Variants in PDE1C observed in about 807,000 individuals in gnomAD.
The protein encoded by PDE1C is dual specificity calcium/calmodulin-dependent 3',5'-cyclic nucleotide phosphodiesterase 1C.
In PDE1C, 62 loss-of-function variants were observed where a neutral mutation model predicts 93.1. That is an observed-to-expected ratio of 0.67 (90% confidence interval 0.54 to 0.82). PDE1C has a LOEUF of 0.82. PDE1C is among the 40% of genes least tolerant of loss of function. The pLI is 0.00. For missense variants in PDE1C, 742 were observed against 884.6 expected (o/e 0.84, Z 2.04); for synonymous variants, 325 against 310.1 (o/e 1.05, Z -0.50).
At chr7:31,732,098 A>G in the PDE1C span, among the ~76,000 whole-genome samples, 3 of 152,252 alleles carry the variant, frequency 2.0e-5, no homozygotes, top group Admixed American at 1.3e-4. Flanking sequence ...CACAGCCCAG[A>G]TGCGAGGTGC....
At chr7:32,417,282 T>G (rs1301863438) in intron 1 of PDE1C, among the ~76,000 whole-genome samples, 53 of 151,892 alleles carry the variant, frequency 3.5e-4, no homozygotes, top group African/African-American at 1.3e-3. Flanking sequence ...TGATGACTTT[T>G]TTTTTTTTTT....
intron 2 of PDE1C, among the ~76,000 whole-genome samples, chr7:32,194,461 A>ATTTACATC (rs1394917062): frequency 1.3e-5 from 2 of 152,202 alleles, no homozygotes; most frequent in Non-Finnish European, 2.9e-5. Flanking sequence ...TCTACTTTAC[A>ATTTACATC]TATTTTCCAA....
At chr7:32,297,277 A>G (rs1196035682) in intron 1 of PDE1C, among the ~76,000 whole-genome samples, 1 of 152,138 alleles carries the variant, frequency 6.6e-6, no homozygotes, top group African/African-American at 2.4e-5. Context: ...TGGCCCTAGT[A>G]CTTTCCTGAT....
chr7:32,356,727 C>T (rs1419518263), intron 1 of PDE1C, among the ~76,000 whole-genome samples: 2 of 152,198 alleles, frequency 1.3e-5, no homozygotes, highest in Non-Finnish European at 2.9e-5. Context: ...CACCTAATCA[C>T]CTACTTCTGC....
chr7:31,875,481 T>A (rs1318678620), intron 5 of PDE1C, among the ~76,000 whole-genome samples: 3 of 151,954 alleles, frequency 2.0e-5, no homozygotes, highest in East Asian at 1.9e-4. Context: ...CTCCAGAGAA[T>A]CCTGCTGTGG....
intron 2 of PDE1C, among the ~76,000 whole-genome samples, chr7:31,976,863 C>T (rs1460744688): frequency 6.6e-6 from 1 of 152,202 alleles, no homozygotes; most frequent in African/African-American, 2.4e-5. Context: ...CCTTTATCCT[C>T]ATTATCTGCC....
chr7:32,372,182 T>C (rs1357161834), intron 1 of PDE1C, among the ~76,000 whole-genome samples: 1 of 151,828 alleles, frequency 6.6e-6, no homozygotes, highest in African/African-American at 2.4e-5. Context: ...CCCTCCCAAG[T>C]AGCTGGGATT....
the PDE1C span, among the ~76,000 whole-genome samples, chr7:31,690,506 A>G: frequency 6.6e-6 from 1 of 152,236 alleles, no homozygotes; most frequent in Non-Finnish European, 1.5e-5. Flanking sequence ...AGAGGGGGCA[A>G]AAATGATTCT....
chr7:32,253,423 C>A (rs752687930), intron 1 of PDE1C, among the ~76,000 whole-genome samples: 1 of 152,196 alleles, frequency 6.6e-6, no homozygotes, highest in African/African-American at 2.4e-5. Context: ...CCTTACGCGC[C>A]TTCCAGAGAA....
the PDE1C span, among the ~76,000 whole-genome samples, chr7:31,739,523 A>C: frequency 6.6e-6 from 1 of 152,174 alleles, no homozygotes; most frequent in Non-Finnish European, 1.5e-5. Context: ...TTTCTAATGT[A>C]ATCATTCCGG....
At chr7:32,221,135 A>G (rs1287761841) in intron 1 of PDE1C, among the ~76,000 whole-genome samples, 1 of 152,142 alleles carries the variant, frequency 6.6e-6, no homozygotes, top group Admixed American at 6.5e-5. Context: ...CTCCAAACTG[A>G]CAAGCCCAGA....
intron 2 of PDE1C, among the ~76,000 whole-genome samples, chr7:32,192,016 C>T (rs924258561): frequency 1.3e-5 from 2 of 152,062 alleles, no homozygotes; most frequent in African/African-American, 4.8e-5. Flanking sequence ...TATATTTTCT[C>T]TGGTGAAATG....
upstream of PDE1C, chr7:32,070,962 T>A: frequency 1.0e-6 from 1 of 985,674 alleles, no homozygotes; most frequent in Non-Finnish European, 1.2e-6. Context: ...CGCGCCCCTC[T>A]GTTTTCTCTC....
At chr7:31,658,338 T>C in the PDE1C span, 5 of 1,521,908 alleles carry the variant, frequency 3.3e-6, no homozygotes, top group African/African-American at 4.2e-5. Context: ...CTGCTAAAGA[T>C]GAAAAAATAA....
At chr7:32,205,180 T>C (rs1472484896) in intron 2 of PDE1C, among the ~76,000 whole-genome samples, 2 of 152,240 alleles carry the variant, frequency 1.3e-5, no homozygotes, top group Non-Finnish European at 2.9e-5. Flanking sequence ...GGTCCATGTC[T>C]GTCCTGTCAG....
At chr7:31,712,930 C>G in the PDE1C span, among the ~76,000 whole-genome samples, 4 of 152,296 alleles carry the variant, frequency 2.6e-5, no homozygotes, top group African/African-American at 9.6e-5. Flanking sequence ...CACCAGGTCC[C>G]TCCCACAACA....
At chr7:32,077,315 G>T (rs7782539) in intron 3 of PDE1C, among the ~76,000 whole-genome samples, 10,904 of 152,180 alleles carry the variant, frequency 0.072, 431 homozygotes, top group African/African-American at 0.084. Context: ...AAATAGTAGT[G>T]CTTCTTCCAT....
chr7:31,862,930 T>C (rs1210914196), intron 7 of PDE1C, among the ~76,000 whole-genome samples: 1 of 152,210 alleles, frequency 6.6e-6, no homozygotes, highest in East Asian at 1.9e-4. Context: ...CCCTATTAGA[T>C]TGTTCTTTTA....
At chr7:31,796,366 T>C (rs1295571163) in intron 16 of PDE1C, among the ~76,000 whole-genome samples, 1 of 151,660 alleles carries the variant, frequency 6.6e-6, no homozygotes, top group Non-Finnish European at 1.5e-5. Context: ...CAAACATGAA[T>C]TTCCAGACAC....
Sources: gnomAD v4.1 joint callset for allele counts (sites outside exome capture counted in the v4.1 genomes callset) on GRCh38, gnomAD v4.1.1 for gene constraint, MANE v1.5 for transcripts, NCBI Gene and HGNC (gene_info 2026-07-23, HGNC 2026-07-21) for gene names.